The following PAK1 variants were observed in gnomAD, a reference collection of about 807,000 sequenced individuals.
PAK1 encodes the protein p21 (RAC1) activated kinase 1.
In PAK1, 29 loss-of-function variants were observed where a neutral mutation model predicts 67.4. That is an observed-to-expected ratio of 0.43 (90% CI 0.32 to 0.59). The LOEUF (loss-of-function observed/expected upper bound fraction) is 0.59. Ranked by LOEUF, PAK1 falls within the 20% of genes least tolerant of loss-of-function variation. The pLI is 0.07. For missense variants in PAK1, 337 were observed against 670.7 expected (o/e 0.50, Z 5.50); for synonymous variants, 223 against 237.4 (o/e 0.94, Z 0.56).
chr11:77,441,750 C>G (rs558523768), intron 1 of PAK1, among the ~76,000 whole-genome samples: 2 of 152,320 alleles, frequency 1.3e-5, no homozygotes, highest in South Asian at 4.1e-4. Context: ...CATCACTACT[C>G]CTTTGAGATG....
chr11:77,487,266 G>A, the PAK1 span, among the ~76,000 whole-genome samples: 23 of 152,224 alleles, frequency 1.5e-4, no homozygotes, highest in African/African-American at 5.5e-4. Context: ...ATCATCTGCT[G>A]ACTATACAGT....
At chr11:77,352,839 G>A (rs978381172) in intron 8 of PAK1, among the ~76,000 whole-genome samples, 2 of 152,146 alleles carry the variant, frequency 1.3e-5, no homozygotes, top group African/African-American at 4.8e-5. Flanking sequence ...GCCTAGGTGT[G>A]TAGTAGGCTA....
intron 1 of PAK1, among the ~76,000 whole-genome samples, chr11:77,411,366 G>C (rs1954500281): frequency 6.6e-6 from 1 of 151,864 alleles, no homozygotes; most frequent in African/African-American, 2.4e-5. Context: ...GTCCCCCCAG[G>C]TCTCCTCCCT....
the PAK1 span, among the ~76,000 whole-genome samples, chr11:77,491,442 T>C: frequency 6.6e-6 from 1 of 152,080 alleles, no homozygotes; most frequent in African/African-American, 2.4e-5. Flanking sequence ...GGTAGGAGGA[T>C]TGCTTAAGCC....
At chr11:77,341,132 G>A (rs570112436) in intron 10 of PAK1, among the ~76,000 whole-genome samples, 5 of 152,206 alleles carry the variant, frequency 3.3e-5, no homozygotes, top group Admixed American at 1.3e-4. Context: ...ATTTGACAAA[G>A]ATAGGATTTA....
the PAK1 span, among the ~76,000 whole-genome samples, chr11:77,496,315 C>G: frequency 6.6e-6 from 1 of 152,122 alleles, no homozygotes. Flanking sequence ...CACACCTGGC[C>G]TGTATTTTTT....
the PAK1 span, among the ~76,000 whole-genome samples, chr11:77,482,147 C>T: frequency 6.6e-6 from 1 of 152,006 alleles, no homozygotes; most frequent in Non-Finnish European, 1.5e-5. Flanking sequence ...CCCCACCACG[C>T]CCAGTTAATT....
rs147630042 is a variant in PAK1 at position 77,369,444 on chromosome 11, C to CTTTTTTT, written c.477+4877_477+4883dup. ...TTTGTTGTTTAAACCTTATACATTT[C>CTTTTTTT]TTTTTTTTTTTTTTTTTTTTTGAGA... On this transcript the variant is annotated intron_variant, in intron 5 of 14. Transcript: ENST00000356341. 1.5e-3 allele frequency among the ~76,000 whole-genome samples: 128 copies of CTTTTTTT among 86,720 alleles called. 1 individual carries two copies. The highest frequency in any genetic ancestry group is 2.1e-3 in the Admixed American group (13 of 6,178). The allele number at this position is 86,720 out of a possible 152,430, so 56.9% of individuals were successfully genotyped here.
At chr11:77,435,378 T>C (rs544765699) in intron 1 of PAK1, among the ~76,000 whole-genome samples, 24 of 152,308 alleles carry the variant, frequency 1.6e-4, no homozygotes, top group Non-Finnish European at 2.5e-4. Flanking sequence ...AGCTTCTCTG[T>C]AAAGTTAGGA....
intron 1 of PAK1, among the ~76,000 whole-genome samples, chr11:77,401,806 T>C (rs1296827438): frequency 6.6e-6 from 1 of 152,230 alleles, no homozygotes; most frequent in Non-Finnish European, 1.5e-5. Context: ...CAGCATTCTA[T>C]GTGTACTTCT....
At chr11:77,421,538 CA>C in intron 1 of PAK1, among the ~76,000 whole-genome samples, 1 of 152,286 alleles carries the variant, frequency 6.6e-6, no homozygotes, top group Admixed American at 6.5e-5. Flanking sequence ...ATATGCTCCA[CA>C]AAGGCAAAGA....
chr11:77,510,917 T>C, the PAK1 span, among the ~76,000 whole-genome samples: 2 of 152,234 alleles, frequency 1.3e-5, no homozygotes, highest in African/African-American at 4.8e-5. Flanking sequence ...CATTGTTTCT[T>C]TCTGTTAGTT....
intron 1 of PAK1, among the ~76,000 whole-genome samples, chr11:77,453,492 A>C (rs1168270584): frequency 2.6e-5 from 4 of 151,492 alleles, no homozygotes; most frequent in Non-Finnish European, 5.9e-5. Flanking sequence ...TAAGTATTCT[A>C]TATTTAGAAA....
intron 9 of PAK1, 78 bp from the exon 10 acceptor site, chr11:77,344,009 G>A (rs1591788032): frequency 2.2e-6 from 2 of 901,710 alleles, no homozygotes; most frequent in East Asian, 4.8e-5. Flanking sequence ...CAGACCTTAA[G>A]TACTCAGGAA....
chr11:77,429,076 AAAAAAAAAAAAAAAAAAAC>A lies in PAK1; in HGVS notation c.-21-36554_-21-36536del, dbSNP rs1465530788. On this transcript the variant is annotated intron_variant, in intron 1 of 14. Coordinates refer to ENST00000356341, the MANE Select transcript of PAK1 (RefSeq NM_002576.5). Reference sequence around the variant, plus strand: ...AATACTAAAAAAAAAAAAAAAAAAAAAAAAAAAAAAAAAAAAAACACACACACACACATCAGGATTCCTT... The same window carrying A: ...AATACTAAAAAAAAAAAAAAAAAAAAACACACACACACATCAGGATTCCTT... Among the ~76,000 whole-genome samples the A allele has an allele frequency of 5.5e-3, 759 of 136,964 alleles. 17 individuals carry two copies. Among genetic ancestry groups the A allele is most frequent in the Middle Eastern group, 0.026 (7 of 272 alleles). 89.9% of individuals were successfully genotyped at this position (136,964 alleles called of 152,430 possible).
chr11:77,458,662 C>CGTA (rs576595750), intron 1 of PAK1, among the ~76,000 whole-genome samples: 22 of 152,082 alleles, frequency 1.4e-4, no homozygotes, highest in Non-Finnish European at 2.8e-4. Flanking sequence ...ATGTACAGAC[C>CGTA]TTACTGGTGA....
intron 7 of PAK1, among the ~76,000 whole-genome samples, chr11:77,353,943 CAAG>C (rs1349507097): frequency 2.6e-5 from 4 of 152,204 alleles, no homozygotes; most frequent in Admixed American, 2.6e-4. Context: ...TCCCTGCTCT[CAAG>C]AAGGTCAATT....
chr11:77,521,073 T>TGACCTTTATGG, the PAK1 span, among the ~76,000 whole-genome samples: 1,347 of 152,330 alleles, frequency 8.8e-3, 31 homozygotes, highest in East Asian at 0.015. Context: ...GATACTAGCA[T>TGACCTTTATGG]GACCTTTATG....
chr11:77,418,598 C>G (rs1057350979), intron 1 of PAK1, among the ~76,000 whole-genome samples: 7 of 152,218 alleles, frequency 4.6e-5, no homozygotes, highest in Non-Finnish European at 1.0e-4. Flanking sequence ...TCTTTTGAGA[C>G]TTAAAATGCA....
Sources: allele counts gnomAD v4.1 joint callset (sites outside exome capture counted in the v4.1 genomes callset), GRCh38; gene constraint gnomAD v4.1.1; transcripts MANE v1.5; gene names NCBI Gene and HGNC (gene_info 2026-07-23, HGNC 2026-07-21).